Variants in MAP2K6 observed in about 807,000 individuals in gnomAD.
MAP2K6 encodes the protein dual specificity mitogen-activated protein kinase kinase 6.
Under a neutral mutation model 53.7 loss-of-function variants are expected in MAP2K6, and 16 were observed. The ratio of observed to expected loss-of-function variants is 0.30; its 90% confidence interval spans 0.20 to 0.45. The LOEUF (loss-of-function observed/expected upper bound fraction) is 0.45, where lower values mean the gene tolerates loss of function less well. MAP2K6 is among the 20% of genes least tolerant of loss of function. The pLI, the probability that MAP2K6 is intolerant of heterozygous loss-of-function variation, is 1.00. For synonymous variants in MAP2K6, 132 were observed against 143.1 expected (o/e 0.92, Z 0.55); for missense variants, 204 against 411.9 (o/e 0.50, Z 4.37).
intron 1 of MAP2K6, chr17:69,433,696 C>T (rs1906545093): frequency 6.6e-6 from 1 of 152,144 alleles, no homozygotes; most frequent in South Asian, 2.1e-4. Flanking sequence ...TGTAATGATA[C>T]CTCAAAGGGA....
chr17:69,465,489 C>T (rs1031372110), intron 1 of MAP2K6, among the ~76,000 whole-genome samples: 1 of 152,136 alleles, frequency 6.6e-6, no homozygotes, highest in African/African-American at 2.4e-5. Flanking sequence ...ACCTACTGTA[C>T]ACTTGGCAGC....
chr17:69,493,746 G>A (rs1908840843), intron 1 of MAP2K6, among the ~76,000 whole-genome samples: 1 of 149,904 alleles, frequency 6.7e-6, no homozygotes, highest in South Asian at 2.1e-4. Flanking sequence ...GGGGGACAGA[G>A]TGAAACTCCA....
rs989128130 is a variant in MAP2K6 at position 69,551,478 on chromosome 17, T to C, written c.*9725T>C. 6.6e-6 allele frequency: 1 copy of C among 152,244 alleles called. No individual in the cohort carries two copies. Among genetic ancestry groups the C allele is most frequent in the Non-Finnish European group, 1.5e-5 (1 of 68,042 alleles). The allele number at this position is 152,244 out of a possible 1,614,324, so 9.4% of individuals were successfully genotyped here. A position where few individuals can be genotyped will look rare whatever the true frequency, so the allele number is the denominator to read the frequency against. ...AGTCTGGTGAATTCTGACAGTGTTC[T>C]GTTTGCCACTAGAGCAAATTTAATA... On this transcript the variant is annotated 3_prime_UTR_variant, in exon 12 of 12. Transcript: ENST00000590474.
chr17:69,457,113 A>C (rs1451474468), intron 1 of MAP2K6, among the ~76,000 whole-genome samples: 1 of 152,170 alleles, frequency 6.6e-6, no homozygotes, highest in Non-Finnish European at 1.5e-5. Context: ...CCTCCTCAGC[A>C]AGAGTTCCTA....
At chr17:69,466,561 C>A (rs923755190) in intron 1 of MAP2K6, among the ~76,000 whole-genome samples, 20 of 152,200 alleles carry the variant, frequency 1.3e-4, no homozygotes, top group Admixed American at 1.3e-3. Context: ...GGCACTGCAT[C>A]CCCTCCAGTG....
At chr17:69,466,234 G>T (rs1339918360) in intron 1 of MAP2K6, among the ~76,000 whole-genome samples, 5 of 150,702 alleles carry the variant, frequency 3.3e-5, no homozygotes, top group African/African-American at 1.2e-4. Context: ...GGAGGTTGCA[G>T]TGAGCCAAGA....
At chr17:69,523,386 C>T (rs983718235) in intron 7 of MAP2K6, 128 bp from the exon 8 acceptor site, 2 of 1,166,654 alleles carry the variant, frequency 1.7e-6, no homozygotes, top group African/African-American at 1.5e-5. Context: ...ATGGCAGTTA[C>T]TTCTGTGTTG....
intron 1 of MAP2K6, chr17:69,477,335 A>ATTGT (rs1354378397): frequency 6.6e-6 from 1 of 152,228 alleles, no homozygotes; most frequent in Non-Finnish European, 1.5e-5. Flanking sequence ...TCTCCTGTCC[A>ATTGT]TCATTGTTCA....
intron 10 of MAP2K6, among the ~76,000 whole-genome samples, chr17:69,527,952 C>T (rs2716203): frequency 0.63 from 95,123 of 151,588 alleles, 30,255 homozygotes; most frequent in Middle Eastern, 0.74. Context: ...CCTGACTCTA[C>T]TAAAAATACA....
chr17:69,520,924 C>G (rs2145259646), intron 6 of MAP2K6, 125 bp from the exon 7 acceptor site: 1 of 673,082 alleles, frequency 1.5e-6, no homozygotes, highest in Admixed American at 2.7e-5. Context: ...TAGATAGGAC[C>G]ACCACTATTT....
intron 4 of MAP2K6, 67 bp from the exon 5 acceptor site, chr17:69,519,246 C>T (rs1275294253): frequency 1.0e-5 from 16 of 1,540,232 alleles, no homozygotes; most frequent in Non-Finnish European, 1.3e-5. Flanking sequence ...CGATGGGACT[C>T]CTTCAGGTCC....
chr17:69,511,348 T>G (rs1909798688), intron 2 of MAP2K6, among the ~76,000 whole-genome samples: 1 of 152,216 alleles, frequency 6.6e-6, no homozygotes, highest in East Asian at 1.9e-4. Context: ...GTGTTTTTCT[T>G]GGCAATTTTT....
intron 1 of MAP2K6, among the ~76,000 whole-genome samples, chr17:69,471,478 A>T (rs777792407): frequency 3.9e-5 from 6 of 152,200 alleles, no homozygotes; most frequent in Non-Finnish European, 8.8e-5. Flanking sequence ...CAGTGCATAC[A>T]TAAAGATGGA....
intron 1 of MAP2K6, among the ~76,000 whole-genome samples, chr17:69,454,924 G>A (rs1430327220): frequency 6.6e-6 from 1 of 152,140 alleles, no homozygotes; most frequent in Non-Finnish European, 1.5e-5. Context: ...TTTACAAATA[G>A]AAGGTCTAAT....
chr17:69,463,621 T>G (rs72856064), intron 1 of MAP2K6, among the ~76,000 whole-genome samples: 18,561 of 150,348 alleles, frequency 0.12, 1,265 homozygotes, highest in South Asian at 0.19. Flanking sequence ...TCTCTCTATA[T>G]ATATACACAC....
chr17:69,435,134 A>T (rs1906595431), intron 1 of MAP2K6: 1 of 152,340 alleles, frequency 6.6e-6, no homozygotes, highest in East Asian at 1.9e-4. Flanking sequence ...ACCTGAATTT[A>T]TATATAAAAC....
At chr17:69,463,967 C>A (rs928534049) in intron 1 of MAP2K6, among the ~76,000 whole-genome samples, 1 of 151,846 alleles carries the variant, frequency 6.6e-6, no homozygotes, top group Non-Finnish European at 1.5e-5. Flanking sequence ...TGCAGCGAGC[C>A]GAGATTGCGC....
intron 1 of MAP2K6, among the ~76,000 whole-genome samples, chr17:69,452,040 G>A (rs909219590): frequency 6.6e-6 from 1 of 152,116 alleles, no homozygotes; most frequent in African/African-American, 2.4e-5. Context: ...CGGTGGGGAT[G>A]GAGGCAGTAG....
At chr17:69,421,370 A>C (rs1354724346) in intron 1 of MAP2K6, among the ~76,000 whole-genome samples, 1 of 152,160 alleles carries the variant, frequency 6.6e-6, no homozygotes, top group Non-Finnish European at 1.5e-5. Context: ...AGGTTGCACA[A>C]TTCTCTGCTA....
Sources: allele counts gnomAD v4.1 joint callset (sites outside exome capture counted in the v4.1 genomes callset), GRCh38; gene constraint gnomAD v4.1.1; transcripts MANE v1.5; gene names NCBI Gene and HGNC (gene_info 2026-07-23, HGNC 2026-07-21).